MYO15A: variants seen among roughly 807,000 people sequenced by gnomAD.
MYO15A encodes the protein unconventional myosin-XV.
In MYO15A, 308 loss-of-function variants were observed where a neutral mutation model predicts 394.6. That is an observed-to-expected ratio of 0.78 (90% CI 0.71 to 0.86). The LOEUF (loss-of-function observed/expected upper bound fraction) is 0.86. MYO15A is among the 40% of genes least tolerant of loss of function. The pLI is 0.00. For missense variants in MYO15A, 4,606 were observed against 4,799.1 expected (o/e 0.96, Z 1.19); for synonymous variants, 1,957 against 2,003.8 (o/e 0.98, Z 0.62).
Position 18,157,060 on chromosome 17 carries a change from G to A in MYO15A, c.8708G>A (p.Arg2903Gln), listed in dbSNP as rs200781310. 3.7e-4 allele frequency: 604 copies of A among 1,613,926 alleles called. No individual in the cohort carries two copies. Among genetic ancestry groups the A allele is most frequent in the Non-Finnish European group, 4.5e-4 (534 of 1,180,020 alleles). ...IIHLQPLEPPRVGYSAGCVVR... is the reference protein window; with the variant it reads ...IIHLQPLEPPQVGYSAGCVVR... ...CACCTGCAGCCCCTAGAGCCACCTC[G>A]AGTGGGTCAGTGCCACTGGGGTGGG... is the stretch of plus-strand genomic sequence containing the variant. The change falls in exon 49 of 66, where the codon CGA becomes CAA. Residue 2903 changes from arginine to glutamine, a missense_variant. Physicochemically the swap from Arg to Gln is conservative, Grantham distance 43. Around this residue, in one of 2 missense-constraint regions of MYO15A, gnomAD observed 2,776 missense variants for 3,109.3 expected, o/e 0.89. Transcript: ENST00000647165.
At position 18,150,437 on chromosome 17, in the gene MYO15A, G is replaced by A; in HGVS notation, c.7221G>A (p.Glu2407=). ...PVLSYGDADL[E]KPTAIAYRMK... is the part of the protein sequence containing the mutation. ...CCACCCACTGCCCCCAGGACCTGGA[G>A]AAGCCAACAGCCATTGCCTACCGCA... The change falls in exon 36 of 66, where the codon GAG becomes GAA. Residue 2407 remains glutamate, a synonymous_variant. Coordinates refer to ENST00000647165, the MANE Select transcript of MYO15A (RefSeq NM_016239.4). The surrounding 1 kb of genome is among the most constrained non-coding windows in gnomAD (Gnocchi z 4.4). The A allele has an allele frequency of 6.2e-7, 1 of 1,614,088 alleles. No homozygotes were observed. Among genetic ancestry groups the A allele is most frequent in the Non-Finnish European group, 8.5e-7 (1 of 1,179,978 alleles).
intron 12 of MYO15A, among the ~76,000 whole-genome samples, chr17:18,134,729 T>A (rs2046232916): frequency 2.0e-5 from 3 of 152,260 alleles, no homozygotes; most frequent in Middle Eastern, 3.4e-3. Flanking sequence ...CAAAAAAAAA[T>A]TATTTTTAAA....
rs532902586 is a variant in MYO15A, at chr17:18,163,876, C to CT, written c.9787+38_9787+39insT. On this transcript the variant is annotated intron_variant, in intron 60 of 65. Coordinates refer to ENST00000647165, the MANE Select transcript of MYO15A (RefSeq NM_016239.4). ...AAGACTGAGCATGCTGGGCCCATTC[C>CT]CATCCCCGGGCCTTGTGCCATGTGG... The CT allele has an allele frequency of 1.2e-3, 1,970 of 1,594,638 alleles. 1 individual carries two copies. Among genetic ancestry groups the CT allele is most frequent in the Non-Finnish European group, 1.6e-3 (1,872 of 1,166,738 alleles).
chr17:18,126,435 G>A lies in MYO15A; in HGVS notation c.3845G>A (p.Arg1282Gln), dbSNP rs371758727. 91 of 1,613,790 alleles carry A rather than the reference G, an allele frequency of 5.6e-5. No individual in the cohort carries two copies. Among genetic ancestry groups the A allele is most frequent in the Non-Finnish European group, 7.1e-5 (84 of 1,180,002 alleles). ...GAGCAGGTGCAGCAGTACAACGGAC[G>A]GGCCCTGGGAGAGAATCCCCCGTGA... Reference protein sequence around the residue: ...GPEQVQQYNGRALGENPPHLF... With the variant: ...GPEQVQQYNGQALGENPPHLF... The change falls in exon 5 of 66, where the codon CGG (arginine) becomes CAG (glutamine). Residue 1282 changes from arginine (R) to glutamine (Q), a missense_variant. Around this residue, in one of 2 missense-constraint regions of MYO15A, gnomAD observed 2,776 missense variants for 3,109.3 expected, o/e 0.89. Transcript: ENST00000647165.
At position 18,144,483 on chromosome 17, in the gene MYO15A, G is replaced by A. The variant is rs780428612; in HGVS notation, c.6178-14G>A. ...TCCAGCTCTGTCTGCTCATGTGCCT[G>A]CCCTGTGTCTTAGGAACCTGCCTTT... On this transcript the variant is annotated splice_polypyrimidine_tract_variant and intron_variant, in intron 28 of 65. Coordinates refer to ENST00000647165, the MANE Select transcript of MYO15A (RefSeq NM_016239.4). 10 of 1,610,754 alleles carry A rather than the reference G, an allele frequency of 6.2e-6. No individual in the cohort carries two copies. The East Asian group carries it at 1.8e-4, about 29-fold the overall frequency.
In MYO15A at chr17:18,146,240, G is replaced by T. The variant is rs567239196; in HGVS notation, c.6509+133G>T. On this transcript the variant is annotated intron_variant, in intron 30 of 65. Transcript: ENST00000647165. ...AAGCTCAGGCATGGAGGCTGGCCAGGGCTGCTCTGCATTTCTACTGGGCTC... is the reference window on the plus strand; with the variant it reads ...AAGCTCAGGCATGGAGGCTGGCCAGTGCTGCTCTGCATTTCTACTGGGCTC... 1.1e-4 allele frequency: 100 copies of T among 950,020 alleles called. No individual in the cohort carries two copies. The African/African-American group carries it at 1.6e-3, about 15-fold the overall frequency. 58.8% of individuals were successfully genotyped at this position (950,020 alleles called of 1,614,324 possible). A position where few individuals can be genotyped will look rare whatever the true frequency, so the allele number is the denominator to read the frequency against.
chr17:18,143,012 C>A (rs2046409532), intron 25 of MYO15A, among the ~76,000 whole-genome samples, 172 bp downstream of exon 25: 1 of 152,174 alleles, frequency 6.6e-6, no homozygotes, highest in South Asian at 2.1e-4. Context: ...CCCATCTACC[C>A]CTTGGGATTG....
chr17:18,154,376 C>T (rs1244358943), intron 44 of MYO15A, among the ~76,000 whole-genome samples, 186 bp downstream of exon 44: 1 of 152,196 alleles, frequency 6.6e-6, no homozygotes, highest in Non-Finnish European at 1.5e-5. Context: ...CACAGTTCAA[C>T]CCAATCAGAG....
chr17:18,158,569 T>C lies in MYO15A; in HGVS notation c.9014T>C (p.Leu3005Pro). Residue 3005 changes from leucine to proline, a missense_variant, in exon 52 of 66, where the codon CTG becomes CCG. This residue lies in a region of MYO15A where 2,776 missense variants were observed against 3,109.3 expected (regional missense o/e 0.89). Transcript: ENST00000647165. ...ARSADHGEDALALPPYTMLEF... is the reference protein window; with the variant it reads ...ARSADHGEDAPALPPYTMLEF... ...TCTGCTGACCATGGGGAGGACGCCC[T>C]GGCGCTCCCACCCTACACAATGCTC... The C allele has an allele frequency of 6.2e-7, 1 of 1,614,136 alleles. No homozygotes were observed. The highest frequency in any genetic ancestry group is 8.5e-7 in the Non-Finnish European group (1 of 1,180,004).
Position 18,162,452 on chromosome 17 carries a change from C to T in MYO15A, c.9518-133C>T, listed in dbSNP as rs1004039365. ...CTGTCTGAACTGTTTCCTCAACTGT[C>T]AAATGGGGGAGTAAATGCCTTCCCC... On this transcript the variant is annotated intron_variant, in intron 57 of 65. Transcript: ENST00000647165. 7.7e-6 allele frequency: 6 copies of T among 783,664 alleles called. No individual in the cohort carries two copies. The African/African-American group carries it at 1.0e-4, about 13-fold the overall frequency. 48.5% of individuals were successfully genotyped at this position (783,664 alleles called of 1,614,324 possible).
Position 18,131,531 on chromosome 17 carries a change from G to A in MYO15A, c.4206G>A (p.Gln1402=), listed in dbSNP as rs1348235812. Reference sequence around the variant, plus strand: ...TTGAGAAATCCAGGATCGTGTTTCAGGTGGGCCACCCCCTCCCAGGCCTCT... The same window carrying A: ...TTGAGAAATCCAGGATCGTGTTTCAAGTGGGCCACCCCCTCCCAGGCCTCT... ...YLLEKSRIVF[Q]AKNERNYHIF... The change falls in exon 10 of 66, where the codon CAG becomes CAA. Residue 1402 remains glutamine, a splice_region_variant and synonymous_variant. Coordinates refer to ENST00000647165, the MANE Select transcript of MYO15A (RefSeq NM_016239.4). The A allele has an allele frequency of 1.2e-6, 2 of 1,613,812 alleles. No homozygotes were observed. The highest frequency in any genetic ancestry group is 1.7e-6 in the Non-Finnish European group (2 of 1,179,940).
chr17:18,169,970 CAAAAAAAAAAAAAAAAA>C (rs202026399), intron 62 of MYO15A, among the ~76,000 whole-genome samples: 1 of 59,778 alleles, frequency 1.7e-5, no homozygotes, highest in East Asian at 4.4e-4. Context: ...GACCCTGTCT[CAAAAAAAAAAAAAAAAA>C]AAAAAAAAAA....
intron 1 of MYO15A, among the ~76,000 whole-genome samples, chr17:18,111,920 G>A (rs150044008): frequency 2.0e-5 from 3 of 152,336 alleles, no homozygotes; most frequent in Non-Finnish European, 4.4e-5. Context: ...TCCAGGAGAG[G>A]AATGAGACCT....
At chr17:18,175,292 C>CTTTTTTTTTTTTTTTTTTTTTT (rs1182500584) in intron 65 of MYO15A, among the ~76,000 whole-genome samples, 7 of 91,286 alleles carry the variant, frequency 7.7e-5, no homozygotes, top group Non-Finnish European at 1.6e-4. Flanking sequence ...TCTAGACTAT[C>CTTTTTTTTTTTTTTTTTTTTTT]TTTTTTTTTT....
intron 4 of MYO15A, 154 bp downstream of exon 4, chr17:18,125,385 AAC>A: frequency 1.3e-6 from 1 of 776,118 alleles, no homozygotes; most frequent in Non-Finnish European, 2.2e-6. Context: ...GAAGTCTTAA[AAC>A]ACAGTCTTAG....
chr17:18,112,352 A>C (rs1472127301), intron 1 of MYO15A, among the ~76,000 whole-genome samples: 1 of 148,752 alleles, frequency 6.7e-6, no homozygotes, highest in African/African-American at 2.5e-5. Context: ...TGGTGTTTCC[A>C]CTCAGTCTCC....
At chr17:18,126,518 G>T in intron 5 of MYO15A, 62 bp downstream of exon 5, 1 of 1,488,822 alleles carries the variant, frequency 6.7e-7, no homozygotes, top group South Asian at 1.2e-5. Context: ...TGCTCTGGGA[G>T]CCTGGATCCC....
chr17:18,173,708 C>A lies in MYO15A; in HGVS notation c.10351-73C>A. 1.9e-6 allele frequency: 3 copies of A among 1,596,550 alleles called. No homozygotes were observed. The Admixed American group carries it at 5.0e-5, about 27-fold the overall frequency. ...TCCTGCCTCCTACAGATCTGATTTG[C>A]AGGGCAGGGGTAAGAGTGGTTGAGA... On this transcript the variant is annotated intron_variant, in intron 64 of 65. Coordinates refer to ENST00000647165, the MANE Select transcript of MYO15A (RefSeq NM_016239.4).
chr17:18,119,225 T>G lies in MYO15A; in HGVS notation c.425T>G (p.Leu142Arg), dbSNP rs1567618624. The G allele has an allele frequency of 6.2e-7, 1 of 1,612,432 alleles. No homozygotes were observed. Among genetic ancestry groups the G allele is most frequent in the East Asian group, 2.2e-5 (1 of 44,852 alleles). ...ATCAACTGGCTCACAAAAAAGTTCC[T>G]CCTCAAGAAGGCCGAGGAGTCGGGC... ...TAINWLTKKF[L>R]LKKAEESGSE... The change falls in exon 2 of 66, where the codon CTC (leucine) becomes CGC (arginine). Residue 142 changes from leucine to arginine, a missense_variant. Transcript: ENST00000647165.
Sources: allele counts gnomAD v4.1 joint callset (sites outside exome capture counted in the v4.1 genomes callset), GRCh38; gene constraint gnomAD v4.1.1; regional missense constraint gnomAD v4.1.1; non-coding constraint Gnocchi (gnomAD v3.1); transcripts MANE v1.5; gene names NCBI Gene and HGNC (gene_info 2026-07-23, HGNC 2026-07-21).